The following FRMD4A variants were observed in gnomAD, a reference collection of about 807,000 sequenced individuals.
FRMD4A encodes FERM domain containing 4A.
Under a neutral mutation model 129.1 loss-of-function variants are expected in FRMD4A, and 29 were observed. The ratio of observed to expected loss-of-function variants is 0.22; its 90% CI spans 0.17 to 0.31. FRMD4A has a LOEUF of 0.31. FRMD4A is among the 10% of genes least tolerant of loss of function. The pLI is 1.00. For synonymous variants in FRMD4A, 634 were observed against 571.6 expected (o/e 1.11, Z -1.56); for missense variants, 1,272 against 1,375.8 (o/e 0.92, Z 1.19).
intron 2 of FRMD4A, among the ~76,000 whole-genome samples, chr10:14,198,091 A>T (rs983128460): frequency 5.9e-5 from 9 of 152,206 alleles, no homozygotes; most frequent in Admixed American, 2.0e-4. Flanking sequence ...GCCTGCCCAG[A>T]CCTTCAAACT....
At chr10:13,858,803 T>A in intron 3 of FRMD4A, 44 bp downstream of exon 3, 3 of 1,092,424 alleles carry the variant, frequency 2.7e-6, no homozygotes, top group Non-Finnish European at 2.8e-6. Flanking sequence ...TGAAACCACA[T>A]CAGTCACCAA....
At chr10:14,159,825 G>A (rs559705186) in intron 2 of FRMD4A, among the ~76,000 whole-genome samples, 24 of 152,296 alleles carry the variant, frequency 1.6e-4, no homozygotes, top group South Asian at 1.2e-3. Flanking sequence ...CAAGGTAGGC[G>A]GATTGCCTGA....
intron 2 of FRMD4A, among the ~76,000 whole-genome samples, chr10:14,166,130 A>C (rs897806563): frequency 6.6e-6 from 1 of 150,916 alleles, no homozygotes; most frequent in Non-Finnish European, 1.5e-5. Flanking sequence ...ATATTTTATT[A>C]ACATACTATA....
chr10:13,762,699 A>G lies in FRMD4A; in HGVS notation c.385-19T>C. 6.4e-7 allele frequency: 1 copy of G among 1,562,786 alleles called. No homozygotes were observed. The highest frequency in any genetic ancestry group is 8.8e-7 in the Non-Finnish European group (1 of 1,135,162). On this transcript the variant is annotated intron_variant, in intron 6 of 24. Coordinates refer to ENST00000357447, the MANE Select transcript of FRMD4A (RefSeq NM_018027.5). ...TAAGCTCCTGAAAGGAAAAAGCAAC[A>G]AACGAAGACAAGTTTGGTATTTAAC...
intron 8 of FRMD4A, among the ~76,000 whole-genome samples, chr10:13,754,737 A>G (rs1350357396): frequency 1.3e-5 from 2 of 152,128 alleles, no homozygotes; most frequent in Non-Finnish European, 2.9e-5. Flanking sequence ...CAACAGGGAA[A>G]TTTGAAAGTT....
chr10:13,802,343 G>A (rs145781977), intron 4 of FRMD4A, among the ~76,000 whole-genome samples: 42 of 152,324 alleles, frequency 2.8e-4, no homozygotes, highest in African/African-American at 8.9e-4. Context: ...TCACTTTCCA[G>A]ACCCAGGGGG....
chr10:13,799,004 G>A (rs1042475657), intron 4 of FRMD4A, among the ~76,000 whole-genome samples: 8 of 152,016 alleles, frequency 5.3e-5, no homozygotes, highest in African/African-American at 7.2e-5. Context: ...TCACGTCTCC[G>A]CTCCAGAAAG....
At chr10:13,858,802 A>T (rs752408514) in intron 3 of FRMD4A, 45 bp downstream of exon 3, 2 of 1,085,962 alleles carry the variant, frequency 1.8e-6, no homozygotes, top group Non-Finnish European at 2.9e-6. Flanking sequence ...CTGAAACCAC[A>T]TCAGTCACCA....
intron 2 of FRMD4A, among the ~76,000 whole-genome samples, chr10:14,047,818 G>A (rs1834054123): frequency 6.6e-6 from 1 of 152,204 alleles, no homozygotes; most frequent in Admixed American, 6.5e-5. Flanking sequence ...AATAGGAGGA[G>A]GCCCTGGAAT....
intron 6 of FRMD4A, among the ~76,000 whole-genome samples, chr10:13,764,325 C>T (rs1035934101): frequency 1.3e-5 from 2 of 151,490 alleles, no homozygotes; most frequent in Admixed American, 6.6e-5. Context: ...GTCAACGTGG[C>T]GAAACCCCAT....
chr10:13,686,531 C>A (rs1287037189), intron 15 of FRMD4A, among the ~76,000 whole-genome samples: 1 of 152,210 alleles, frequency 6.6e-6, no homozygotes, highest in East Asian at 1.9e-4. Context: ...GGACGGATCC[C>A]AGGCAATGCC....
At chr10:14,130,433 A>C (rs986188599) in intron 2 of FRMD4A, among the ~76,000 whole-genome samples, 1 of 151,996 alleles carries the variant, frequency 6.6e-6, no homozygotes. Context: ...GCTAATTAAA[A>C]ATTTTTTATG....
At chr10:13,698,477 A>G (rs2086452343) in intron 14 of FRMD4A, among the ~76,000 whole-genome samples, 1 of 152,216 alleles carries the variant, frequency 6.6e-6, no homozygotes, top group African/African-American at 2.4e-5. Flanking sequence ...CTGTTCTATA[A>G]AGAACATTCC....
chr10:14,121,943 G>T (rs10796158), intron 2 of FRMD4A, among the ~76,000 whole-genome samples: 24,758 of 152,178 alleles, frequency 0.16, 2,127 homozygotes, highest in Non-Finnish European at 0.2. Context: ...TGAGAAGGTT[G>T]CAGTAAGGAT....
chr10:13,882,746 T>C (rs1337787350), intron 2 of FRMD4A, among the ~76,000 whole-genome samples: 1 of 151,928 alleles, frequency 6.6e-6, no homozygotes, highest in African/African-American at 2.4e-5. Flanking sequence ...AAATGAACAC[T>C]GGTGTATTGA....
intron 11 of FRMD4A, among the ~76,000 whole-genome samples, chr10:13,739,828 G>T: frequency 6.6e-6 from 1 of 152,328 alleles, no homozygotes; most frequent in African/African-American, 2.4e-5. Flanking sequence ...GGCCAGGCGC[G>T]GTGGCTCACG....
At chr10:14,144,802 C>T (rs11258898) in intron 2 of FRMD4A, among the ~76,000 whole-genome samples, 2 of 151,972 alleles carry the variant, frequency 1.3e-5, no homozygotes, top group Non-Finnish European at 2.9e-5. Context: ...TCCTATGATG[C>T]TTGGTTCTGG....
chr10:14,309,272 A>G (rs2132102346), intron 2 of FRMD4A, among the ~76,000 whole-genome samples: 1 of 152,278 alleles, frequency 6.6e-6, no homozygotes, highest in East Asian at 1.9e-4. Context: ...CAACATAGTG[A>G]GACCTCATCT....
At chr10:14,286,694 G>A (rs771499882) in intron 2 of FRMD4A, among the ~76,000 whole-genome samples, 4 of 152,076 alleles carry the variant, frequency 2.6e-5, no homozygotes, top group African/African-American at 4.8e-5. Context: ...CATGCCCTTT[G>A]GAGGCCGTAA....
Sources: gnomAD v4.1 joint callset for allele counts (sites outside exome capture counted in the v4.1 genomes callset) on GRCh38, gnomAD v4.1.1 for gene constraint, MANE v1.5 for transcripts, NCBI Gene and HGNC (gene_info 2026-07-23, HGNC 2026-07-21) for gene names.